ATXN1: variants seen among roughly 807,000 people sequenced by gnomAD.
The protein encoded by ATXN1 is ataxin 1.
ATXN1 carries 8 observed loss-of-function variants against 56.4 expected under a neutral mutation model. The ratio of observed to expected loss-of-function variants is 0.14; its 90% CI spans 0.08 to 0.26. The LOEUF (loss-of-function observed/expected upper bound fraction) is 0.26, where lower values mean the gene tolerates loss of function less well. ATXN1 is among the 10% of genes least tolerant of loss of function. ATXN1 has a pLI of 1.00. For synonymous variants in ATXN1, 514 were observed against 494.6 expected (o/e 1.04, Z -0.52); for missense variants, 987 against 1,106.5 (o/e 0.89, Z 1.53).
chr6:16,545,946 G>A (rs1216458598), intron 4 of ATXN1, among the ~76,000 whole-genome samples: 4 of 152,168 alleles, frequency 2.6e-5, no homozygotes, highest in African/African-American at 4.8e-5. Context: ...CACAGCTATC[G>A]TATTAGCTGT....
intron 4 of ATXN1, among the ~76,000 whole-genome samples, chr6:16,525,537 G>A (rs907492747): frequency 6.6e-6 from 1 of 152,162 alleles, no homozygotes; most frequent in African/African-American, 2.4e-5. Flanking sequence ...AGGGTAGTAG[G>A]GGGCTGGAGG....
At chr6:16,557,786 T>C (rs757515407) in intron 4 of ATXN1, among the ~76,000 whole-genome samples, 2 of 152,190 alleles carry the variant, frequency 1.3e-5, no homozygotes, top group Non-Finnish European at 2.9e-5. Flanking sequence ...TAAAAAAATA[T>C]AGATCCCTAA....
intron 4 of ATXN1, among the ~76,000 whole-genome samples, chr6:16,564,302 A>G (rs1762174482): frequency 8.0e-6 from 1 of 125,024 alleles, no homozygotes; most frequent in Non-Finnish European, 1.5e-5. Context: ...AAGCGAACAA[A>G]TGTGTAAAAT....
intron 6 of ATXN1, among the ~76,000 whole-genome samples, chr6:16,413,914 T>A (rs1265453661): frequency 2.0e-5 from 3 of 152,182 alleles, no homozygotes; most frequent in African/African-American, 7.2e-5. Context: ...TACATTCCTA[T>A]AACATATTTC....
intron 3 of ATXN1, among the ~76,000 whole-genome samples, chr6:16,603,286 G>A (rs1762944500): frequency 6.6e-6 from 1 of 152,104 alleles, no homozygotes; most frequent in African/African-American, 2.4e-5. Flanking sequence ...CTTCCAAGAG[G>A]CTTTAAGCCT....
intron 3 of ATXN1, among the ~76,000 whole-genome samples, chr6:16,589,840 A>C (rs750417931): frequency 4.6e-5 from 7 of 152,242 alleles, no homozygotes; most frequent in Non-Finnish European, 1.0e-4. Flanking sequence ...AGAACATAAA[A>C]TGCCTAGAAA....
intron 3 of ATXN1, among the ~76,000 whole-genome samples, chr6:16,608,985 T>C (rs1463298711): frequency 1.3e-5 from 2 of 151,906 alleles, no homozygotes; most frequent in Non-Finnish European, 2.9e-5. Flanking sequence ...AATATAAAGA[T>C]GGGGGGAAGT....
At chr6:16,744,056 CA>C (rs1285413960) in intron 2 of ATXN1, among the ~76,000 whole-genome samples, 2 of 152,126 alleles carry the variant, frequency 1.3e-5, no homozygotes, top group African/African-American at 2.4e-5. Flanking sequence ...ATTTTGGCTT[CA>C]AAGAGGAAAA....
chr6:16,685,406 C>T (rs1452044334), intron 2 of ATXN1, among the ~76,000 whole-genome samples: 1 of 152,082 alleles, frequency 6.6e-6, no homozygotes, highest in Admixed American at 6.6e-5. Context: ...GAATGAGTAA[C>T]TAGTGAGGGC....
rs180843926 is a variant in ATXN1 at position 16,636,342 on chromosome 6, G to T, written c.-489+21434C>A. On this transcript the variant is annotated intron_variant, in intron 3 of 7. Transcript: ENST00000436367. The stretch of plus-strand genomic sequence containing the variant: ...GTGTGACCACTCTCCTCCTCCCAAA[G>T]CAATTTAGTTTCCAACTGGACCTCA... Among the ~76,000 whole-genome samples, 44 of 108,058 alleles carry T rather than the reference G, an allele frequency of 4.1e-4. No individual in the cohort carries two copies. In the Admixed American group the frequency reaches 4.3e-3, roughly 11 times the overall value. 70.9% of individuals were successfully genotyped at this position (108,058 alleles called of 152,430 possible). A position where few individuals can be genotyped will look rare whatever the true frequency, so the allele number is the denominator to read the frequency against.
chr6:16,644,808 G>A (rs1344448668), intron 3 of ATXN1, among the ~76,000 whole-genome samples: 1 of 152,092 alleles, frequency 6.6e-6, no homozygotes, highest in Non-Finnish European at 1.5e-5. Context: ...CGCAAAGTGA[G>A]CACAGCTGCA....
rs544541633 is a variant in ATXN1 at position 16,539,957 on chromosome 6, A to G, written c.-360-17269T>C. Reference sequence around the variant, plus strand: ...TGAGAGGAGTGCCAATCCAACCTCAAAAAAAGGAGAAAAGGAGAGGAAAGA... The same window carrying G: ...TGAGAGGAGTGCCAATCCAACCTCAGAAAAAGGAGAAAAGGAGAGGAAAGA... On this transcript the variant is annotated intron_variant, in intron 4 of 7. Coordinates refer to ENST00000436367, the MANE Select transcript of ATXN1 (RefSeq NM_001128164.2). Among the ~76,000 whole-genome samples the G allele has an allele frequency of 7.9e-5, 12 of 152,310 alleles. No homozygotes were observed. In the South Asian group the frequency reaches 1.9e-3, roughly 24 times the overall value.
At chr6:16,555,810 T>C (rs1055759198) in intron 4 of ATXN1, among the ~76,000 whole-genome samples, 14 of 152,212 alleles carry the variant, frequency 9.2e-5, no homozygotes, top group African/African-American at 3.4e-4. Context: ...TAACTCTGTA[T>C]GTTAGATGTT....
At chr6:16,724,710 G>A (rs911104935) in intron 2 of ATXN1, among the ~76,000 whole-genome samples, 2 of 152,154 alleles carry the variant, frequency 1.3e-5, no homozygotes, top group Admixed American at 6.5e-5. Flanking sequence ...TTTATTATAG[G>A]ATATATTAAT....
chr6:16,615,080 T>G (rs942540803), intron 3 of ATXN1: 29 of 149,732 alleles, frequency 1.9e-4, no homozygotes, highest in Non-Finnish European at 3.9e-4. Flanking sequence ...TTTCATAATA[T>G]AACAACCAAA....
chr6:16,413,749 T>A (rs755870455), intron 6 of ATXN1, among the ~76,000 whole-genome samples: 2 of 152,156 alleles, frequency 1.3e-5, no homozygotes, highest in Non-Finnish European at 2.9e-5. Context: ...GTGGTGGTGG[T>A]CTGGGCTTTT....
At chr6:16,431,927 A>C (rs1759292504) in intron 6 of ATXN1, among the ~76,000 whole-genome samples, 1 of 152,192 alleles carries the variant, frequency 6.6e-6, no homozygotes, top group Non-Finnish European at 1.5e-5. Flanking sequence ...TTCTGATGAG[A>C]GATCGCGGGG....
intron 4 of ATXN1, among the ~76,000 whole-genome samples, chr6:16,579,491 C>CCCCT (rs1180713648): frequency 2.4e-5 from 1 of 41,846 alleles, no homozygotes; most frequent in Non-Finnish European, 5.4e-5. Context: ...CCCCCCCCCC[C>CCCCT]CACCCGCCGA....
chr6:16,585,137 C>G (rs1036461992), intron 4 of ATXN1, among the ~76,000 whole-genome samples: 3 of 151,684 alleles, frequency 2.0e-5, no homozygotes, highest in East Asian at 3.9e-4. Context: ...GCTATTAATA[C>G]TTGGGAGGCT....
Sources: allele counts gnomAD v4.1 joint callset (sites outside exome capture counted in the v4.1 genomes callset), GRCh38; gene constraint gnomAD v4.1.1; transcripts MANE v1.5; gene names NCBI Gene and HGNC (gene_info 2026-07-23, HGNC 2026-07-21).